CROCC: variants seen among roughly 807,000 people sequenced by gnomAD.
The protein encoded by CROCC is rootletin.
CROCC carries 180 observed loss-of-function variants against 245.2 expected under a neutral mutation model. That is an observed-to-expected ratio of 0.73 (90% CI 0.65 to 0.83). CROCC has a LOEUF of 0.83. Ranked by LOEUF, CROCC falls within the 40% of genes least tolerant of loss-of-function variation. CROCC has a pLI of 0.00. For missense variants in CROCC, 2,688 were observed against 2,779.4 expected (o/e 0.97, Z 0.74); for synonymous variants, 1,205 against 1,241.6 (o/e 0.97, Z 0.62).
At chr1:16,921,866 C>T (rs1181932974), upstream of CROCC, 1 of 744,740 alleles carries the variant, frequency 1.3e-6, no homozygotes, top group Non-Finnish European at 2.3e-6. Flanking sequence ...ACATCCTGCT[C>T]CTCCCACCGC....
In CROCC at chr1:16,972,495, A is replaced by T; in HGVS notation, c.*49A>T. ...ACCCCTGTGCCTGGGACAGGGGAGG[A>T]CCCTTCTTTTGGACAGCCCCCCCAC... is the stretch of plus-strand genomic sequence containing the variant. On this transcript the variant is annotated 3_prime_UTR_variant, in exon 37 of 37. Transcript: ENST00000375541. The T allele has an allele frequency of 7.4e-7, 1 of 1,353,806 alleles. No homozygotes were observed. Among genetic ancestry groups the T allele is most frequent in the Non-Finnish European group, 1.0e-6 (1 of 993,000 alleles). 83.9% of individuals were successfully genotyped at this position (1,353,806 alleles called of 1,614,324 possible). A position where few individuals can be genotyped will look rare whatever the true frequency, so the allele number is the denominator to read the frequency against.
intron 13 of CROCC, among the ~76,000 whole-genome samples, chr1:16,942,249 C>T (rs4920454): frequency 0.12 from 18,585 of 150,400 alleles, 805 homozygotes; most frequent in South Asian, 0.2. Flanking sequence ...GAGCCCGTCT[C>T]GGCCTCCCAA....
chr1:16,951,115 G>T lies in CROCC; in HGVS notation c.2999G>T (p.Arg1000Leu). ...AHEEDLQRLQ[R>L]EKEAAWRELE... ...GAGGAGGACTTACAGCGACTCCAGCGTGAAAAGGTTCAGGCAGCTGGGGAG... is the reference window on the plus strand; with the variant it reads ...GAGGAGGACTTACAGCGACTCCAGCTTGAAAAGGTTCAGGCAGCTGGGGAG... The change falls in exon 20 of 37, where the codon CGT becomes CTT. Residue 1000 changes from arginine (R) to leucine (L), a missense_variant. Transcript: ENST00000375541. 1 of 1,540,408 alleles carries T rather than the reference G, an allele frequency of 6.5e-7. No homozygotes were observed. Among genetic ancestry groups the T allele is most frequent in the Admixed American group, 2.2e-5 (1 of 46,112 alleles).
At chr1:16,968,927 G>C in intron 31 of CROCC, 189 bp from the exon 32 acceptor site, 2 of 686,876 alleles carry the variant, frequency 2.9e-6, no homozygotes, top group South Asian at 3.3e-5. Context: ...AGCCAGCAAT[G>C]GGATGGGGCC....
chr1:16,924,461 C>T lies in CROCC; in HGVS notation c.333C>T (p.Tyr111=), dbSNP rs757993259. The change falls in exon 3 of 37, where the codon TAC becomes TAT. Residue 111 remains tyrosine, a synonymous_variant. Coordinates refer to ENST00000375541, the MANE Select transcript of CROCC (RefSeq NM_014675.5). ...RAERDELAIK[Y]NAVSERLEQA... ...AGCGCGATGAGCTCGCCATTAAGTA[C>T]AATGCGGTCAGCGAGAGGGTGGGTG... is the stretch of plus-strand genomic sequence containing the variant. The T allele has an allele frequency of 6.2e-7, 1 of 1,612,560 alleles. No homozygotes were observed. Among genetic ancestry groups the T allele is most frequent in the Non-Finnish European group, 8.5e-7 (1 of 1,179,076 alleles).
intron 13 of CROCC, among the ~76,000 whole-genome samples, chr1:16,941,936 A>C (rs2075943475): frequency 6.6e-6 from 1 of 152,202 alleles, no homozygotes; most frequent in Non-Finnish European, 1.5e-5. Flanking sequence ...TCCTGGCCTC[A>C]AGTGATTCCC....
At chr1:16,943,827 G>A (rs1221147567) in intron 13 of CROCC, among the ~76,000 whole-genome samples, 3 of 152,274 alleles carry the variant, frequency 2.0e-5, no homozygotes, top group African/African-American at 7.2e-5. Flanking sequence ...AGCCTAGCTC[G>A]GCCTCTTCTA....
In CROCC at chr1:16,961,123, C is replaced by CGCAGAAGGTAAGGGCAGT. The variant is rs1553160047; in HGVS notation, c.4401_4405+13dup. 3.7e-6 allele frequency: 5 copies of CGCAGAAGGTAAGGGCAGT among 1,349,564 alleles called. No homozygotes were observed. Among genetic ancestry groups the CGCAGAAGGTAAGGGCAGT allele is most frequent in the Non-Finnish European group, 4.7e-6 (5 of 1,056,276 alleles). 83.6% of individuals were successfully genotyped at this position (1,349,564 alleles called of 1,614,324 possible). Reference sequence around the variant, plus strand: ...CCGGTTCCCCTGCCCGGGACGCACCCGCAGAAGGTAAGGGCAGTGCCGCGC... The same window carrying CGCAGAAGGTAAGGGCAGT: ...CCGGTTCCCCTGCCCGGGACGCACCCGCAGAAGGTAAGGGCAGTGCAGAAGGTAAGGGCAGTGCCGCGC... On this transcript the variant is annotated inframe_insertion, in exon 27 of 37. Transcript: ENST00000375541.
chr1:16,966,619 C>CGAGTG lies in CROCC; in HGVS notation c.4860+49_4860+53dup. 6.9e-7 allele frequency: 1 copy of CGAGTG among 1,439,600 alleles called. No individual in the cohort carries two copies. Among genetic ancestry groups the CGAGTG allele is most frequent in the African/African-American group, 1.4e-5 (1 of 69,642 alleles). The allele number at this position is 1,439,600 out of a possible 1,614,324, so 89.2% of individuals were successfully genotyped here. A position where few individuals can be genotyped will look rare whatever the true frequency, so the allele number is the denominator to read the frequency against. On this transcript the variant is annotated intron_variant, in intron 30 of 36. Coordinates refer to ENST00000375541, the MANE Select transcript of CROCC (RefSeq NM_014675.5). This position sits in a 1 kb window ranked among gnomAD's most constrained non-coding sequence, Gnocchi z 4.8. ...CGGGGCGACGGGGAATCTGTGTACCCGAGTGAGTGTCTAACTCTTATGTGT... is the reference window on the plus strand; with the variant it reads ...CGGGGCGACGGGGAATCTGTGTACCCGAGTGGAGTGAGTGTCTAACTCTTATGTGT...
Position 16,924,463 on chromosome 1 carries a change from A to C in CROCC, c.335A>C (p.Asn112Thr). Residue 112 changes from asparagine to threonine, a missense_variant, in exon 3 of 37, where the codon AAT becomes ACT. Asn to Thr is a moderately conservative substitution (Grantham distance 65). Around this residue, in one of 9 missense-constraint regions of CROCC, gnomAD observed 972 missense variants for 895.3 expected, o/e 1.09. Coordinates refer to ENST00000375541, the MANE Select transcript of CROCC (RefSeq NM_014675.5). ...CGCGATGAGCTCGCCATTAAGTACA[A>C]TGCGGTCAGCGAGAGGGTGGGTGCC... ...AERDELAIKY[N>T]AVSERLEQAL... The C allele has an allele frequency of 6.2e-7, 1 of 1,612,512 alleles. No homozygotes were observed. The highest frequency in any genetic ancestry group is 8.5e-7 in the Non-Finnish European group (1 of 1,179,054).
In CROCC at chr1:16,940,615, C is replaced by T. The variant is rs972600757; in HGVS notation, c.1808+522C>T. Among the ~76,000 whole-genome samples the T allele has an allele frequency of 2.0e-5, 3 of 152,388 alleles. No homozygotes were observed. In the South Asian group the frequency reaches 6.2e-4, roughly 32 times the overall value. ...ATCTTGGCCAGGCTGATCTTGAACTCCTGACCTCATGTTCTACCCGCGTCC... is the reference window on the plus strand; with the variant it reads ...ATCTTGGCCAGGCTGATCTTGAACTTCTGACCTCATGTTCTACCCGCGTCC... On this transcript the variant is annotated intron_variant, in intron 13 of 36. Transcript: ENST00000375541.
At chr1:16,929,074 G>A (rs1384116018) in intron 3 of CROCC, among the ~76,000 whole-genome samples, 3 of 152,230 alleles carry the variant, frequency 2.0e-5, no homozygotes, top group East Asian at 1.9e-4. Context: ...TGATCTACCC[G>A]CCTTGACCTC....
chr1:16,936,708 G>A lies in CROCC; in HGVS notation c.1028G>A (p.Ser343Asn), dbSNP rs369695287. 1.2e-4 allele frequency: 195 copies of A among 1,606,054 alleles called. No homozygotes were observed. The African/African-American group carries it at 2.4e-3, about 20-fold the overall frequency. The change falls in exon 9 of 37, where the codon AGC (serine) becomes AAC (asparagine). Residue 343 changes from serine to asparagine, a missense_variant. Ser to Asn is a conservative substitution (Grantham distance 46, BLOSUM62 1). Transcript: ENST00000375541. The part of the protein sequence containing the change: ...RAVQEAGLGL[S>N]TGLRLAESRA... Reference sequence around the variant, plus strand: ...GTCCAGGAGGCGGGCCTGGGACTGAGCACGGGCCTACGGCTGGCAGAGAGC... The same window carrying A: ...GTCCAGGAGGCGGGCCTGGGACTGAACACGGGCCTACGGCTGGCAGAGAGC...
At chr1:16,971,233 G>GTGTT (rs1306136062) in intron 35 of CROCC, among the ~76,000 whole-genome samples, 2 of 151,714 alleles carry the variant, frequency 1.3e-5, no homozygotes, top group Non-Finnish European at 2.9e-5. Flanking sequence ...GTGTGTGTGT[G>GTGTT]TGTGTGTGTG....
In CROCC at chr1:16,946,242, G is replaced by A. The variant is rs748467599; in HGVS notation, c.2137-17G>A. On this transcript the variant is annotated splice_polypyrimidine_tract_variant and intron_variant, in intron 15 of 36. Transcript: ENST00000375541. ...ACCTTTCTGCCTTTCCTCATTTCTC[G>A]GGGCCTGACCCTGCAGGCTGAGGCT... is the stretch of plus-strand genomic sequence containing the variant. 1.1e-5 allele frequency: 18 copies of A among 1,606,484 alleles called. No homozygotes were observed. The highest frequency in any genetic ancestry group is 1.7e-5 in the Admixed American group (1 of 58,874).
intron 30 of CROCC, 24 bp from the exon 31 acceptor site, chr1:16,968,179 G>A: frequency 1.3e-6 from 2 of 1,550,390 alleles, no homozygotes; most frequent in Non-Finnish European, 1.7e-6. Flanking sequence ...GGACGTCTGG[G>A]CCTGAGCCCC....
intron 7 of CROCC, among the ~76,000 whole-genome samples, 185 bp from the exon 8 acceptor site, chr1:16,931,106 G>A (rs1220849722): frequency 6.6e-6 from 1 of 152,286 alleles, no homozygotes; most frequent in Non-Finnish European, 1.5e-5. Context: ...TCCCTGTGCA[G>A]GAGGGAGCCA....
intron 2 of CROCC, among the ~76,000 whole-genome samples, chr1:16,923,900 C>A (rs1342096543): frequency 1.5e-4 from 23 of 152,372 alleles, no homozygotes; most frequent in Admixed American, 1.5e-3. Context: ...AGGCTAGTCT[C>A]AAACTCCTGA....
rs2076066112 is a variant in CROCC, at chr1:16,947,059, C to T, written c.2514+68C>T. ...GGCAGGCCGGGCTCCCAGCCCCCTG[C>T]ATCCAGTCCTGGGTTAAGTCACAGG... is the stretch of plus-strand genomic sequence containing the variant. On this transcript the variant is annotated intron_variant, in intron 17 of 36. Coordinates refer to ENST00000375541, the MANE Select transcript of CROCC (RefSeq NM_014675.5). 8 of 1,378,964 alleles carry T rather than the reference C, an allele frequency of 5.8e-6. No homozygotes were observed. In the Admixed American group the frequency reaches 1.7e-4, roughly 29 times the overall value. 85.4% of individuals were successfully genotyped at this position (1,378,964 alleles called of 1,614,324 possible).
Sources: allele counts gnomAD v4.1 joint callset (sites outside exome capture counted in the v4.1 genomes callset), GRCh38; gene constraint gnomAD v4.1.1; regional missense constraint gnomAD v4.1.1; non-coding constraint Gnocchi (gnomAD v3.1); transcripts MANE v1.5; gene names NCBI Gene and HGNC (gene_info 2026-07-23, HGNC 2026-07-21).